The following SYT1 variants were observed in gnomAD, a reference collection of about 807,000 sequenced individuals.
SYT1 encodes synaptotagmin 1.
SYT1 carries 8 observed loss-of-function variants against 44.8 expected under a neutral mutation model. The ratio of observed to expected loss-of-function variants is 0.18; its 90% CI spans 0.10 to 0.32. SYT1 has a LOEUF of 0.32. Ranked by LOEUF, SYT1 falls within the 10% of genes least tolerant of loss-of-function variation. The probability of loss-of-function intolerance (pLI) is 1.00; values close to 1 mark genes in which losing one functional copy is unlikely to be tolerated. For missense variants in SYT1, 286 were observed against 509.3 expected (o/e 0.56, Z 4.22); for synonymous variants, 154 against 188.8 (o/e 0.82, Z 1.51).
intron 9 of SYT1, among the ~76,000 whole-genome samples, chr12:79,419,510 A>G (rs1010452054): frequency 1.3e-5 from 2 of 152,178 alleles, no homozygotes; most frequent in African/African-American, 4.8e-5. Flanking sequence ...TTCTAAGCAT[A>G]GACTTCTCCA....
At chr12:79,117,054 T>C (rs1182625169) in intron 3 of SYT1, among the ~76,000 whole-genome samples, 1 of 152,196 alleles carries the variant, frequency 6.6e-6, no homozygotes, top group Non-Finnish European at 1.5e-5. Flanking sequence ...TAAAGTTAAA[T>C]TCTTGAGTGT....
intron 3 of SYT1, among the ~76,000 whole-genome samples, chr12:79,161,481 A>G (rs56132889): frequency 5.6e-4 from 86 of 152,262 alleles, no homozygotes; most frequent in African/African-American, 2.0e-3. Context: ...AAAATCACCT[A>G]ACAATGCATT....
intron 3 of SYT1, among the ~76,000 whole-genome samples, chr12:79,178,888 T>A (rs12826075): frequency 0.69 from 71,461 of 103,600 alleles, 26,067 homozygotes; most frequent in African/African-American, 0.81. Flanking sequence ...AGCTGGGATT[T>A]CATGCATGCG....
intron 3 of SYT1, among the ~76,000 whole-genome samples, chr12:79,077,154 G>C (rs1876715493): frequency 6.6e-6 from 1 of 152,018 alleles, no homozygotes; most frequent in African/African-American, 2.4e-5. Flanking sequence ...CTTGGATAAA[G>C]CCTTATTCCT....
At chr12:79,262,476 C>T (rs1877886788) in intron 4 of SYT1, among the ~76,000 whole-genome samples, 2 of 152,186 alleles carry the variant, frequency 1.3e-5, no homozygotes, top group Admixed American at 1.3e-4. Context: ...AATTCTGCCC[C>T]TTGTCCAACT....
chr12:78,919,969 C>A (rs986218354), intron 1 of SYT1, among the ~76,000 whole-genome samples: 1 of 151,690 alleles, frequency 6.6e-6, no homozygotes, highest in African/African-American at 2.4e-5. Flanking sequence ...GTATGCATTG[C>A]CAGCCTCAGA....
intron 3 of SYT1, among the ~76,000 whole-genome samples, chr12:79,123,411 A>G (rs997008901): frequency 6.6e-6 from 1 of 151,706 alleles, no homozygotes; most frequent in African/African-American, 2.4e-5. Context: ...ATAGGTAACT[A>G]TGTTAAAAAT....
chr12:78,953,415 T>C (rs1247737493), intron 1 of SYT1, among the ~76,000 whole-genome samples: 1 of 152,128 alleles, frequency 6.6e-6, no homozygotes, highest in East Asian at 1.9e-4. Flanking sequence ...AGTTCACCTT[T>C]TTATTTCCAG....
intron 1 of SYT1, among the ~76,000 whole-genome samples, chr12:78,946,123 A>T (rs1878642521): frequency 6.6e-6 from 1 of 152,216 alleles, no homozygotes. Context: ...ATTCTTAAAT[A>T]AAACTCCTTT....
chr12:78,948,973 A>G (rs1308101324), intron 1 of SYT1, among the ~76,000 whole-genome samples: 1 of 147,328 alleles, frequency 6.8e-6, no homozygotes, highest in Non-Finnish European at 1.5e-5. Flanking sequence ...ATATTATATT[A>G]TATTATATTA....
At chr12:79,200,707 A>C (rs1042343595) in intron 3 of SYT1, among the ~76,000 whole-genome samples, 8 of 152,182 alleles carry the variant, frequency 5.3e-5, no homozygotes, top group African/African-American at 1.9e-4. Flanking sequence ...AGAAGAAGTA[A>C]CTGGGGAAAG....
intron 3 of SYT1, among the ~76,000 whole-genome samples, chr12:79,120,258 A>C (rs1225108787): frequency 6.6e-6 from 1 of 152,164 alleles, no homozygotes; most frequent in Admixed American, 6.5e-5. Flanking sequence ...AATTGATATA[A>C]ACATGGGAAC....
chr12:79,350,160 T>C (rs1304818123), intron 8 of SYT1, among the ~76,000 whole-genome samples: 1 of 152,022 alleles, frequency 6.6e-6, no homozygotes, highest in African/African-American at 2.4e-5. Flanking sequence ...AGAACACACC[T>C]TGTGGGGATG....
chr12:79,299,028 C>G (rs1312580669), intron 7 of SYT1, among the ~76,000 whole-genome samples: 2 of 152,040 alleles, frequency 1.3e-5, no homozygotes, highest in Non-Finnish European at 2.9e-5. Flanking sequence ...ACAACAATAA[C>G]AACAAAATAT....
chr12:79,035,270 G>A (rs946074906), intron 2 of SYT1, among the ~76,000 whole-genome samples: 5 of 151,678 alleles, frequency 3.3e-5, no homozygotes, highest in Admixed American at 2.0e-4. Context: ...CGTGTATAGA[G>A]AATTGCTACC....
Position 79,179,161 on chromosome 12 carries a change from TAGATATAGATATAG to T in SYT1, c.-17-38340_-17-38327del, listed in dbSNP as rs2138392515. 2.8e-5 allele frequency among the ~76,000 whole-genome samples: 2 copies of T among 70,486 alleles called. 1 individual carries two copies. Among genetic ancestry groups the T allele is most frequent in the South Asian group, 1.1e-3 (2 of 1,794 alleles). The allele number at this position is 70,486 out of a possible 152,430, so 46.2% of individuals were successfully genotyped here. A position where few individuals can be genotyped will look rare whatever the true frequency, so the allele number is the denominator to read the frequency against. On this transcript the variant is annotated intron_variant, in intron 3 of 10. Transcript: ENST00000261205. Reference sequence around the variant, plus strand: ...ATATAGATATAGATATATAGATATATAGATATAGATATAGATATATAGATATAGATATAGATATA... The same window carrying T: ...ATATAGATATAGATATATAGATATATATATATAGATATAGATATAGATATA...
chr12:79,206,840 A>G (rs1056480040), intron 3 of SYT1, among the ~76,000 whole-genome samples: 1 of 152,218 alleles, frequency 6.6e-6, no homozygotes, highest in African/African-American at 2.4e-5. Flanking sequence ...CAAGTGGGAT[A>G]CTATGTAGTG....
intron 8 of SYT1, among the ~76,000 whole-genome samples, chr12:79,304,498 T>G (rs1880298789): frequency 6.6e-6 from 1 of 152,204 alleles, no homozygotes; most frequent in Admixed American, 6.5e-5. Flanking sequence ...GTTTTGAAAA[T>G]GATAATAGAT....
chr12:79,386,685 C>T (rs1479763917), intron 9 of SYT1, among the ~76,000 whole-genome samples: 1 of 152,198 alleles, frequency 6.6e-6, no homozygotes, highest in Non-Finnish European at 1.5e-5. Flanking sequence ...CTTTTACACA[C>T]CTATTAGAAC....
Sources: gnomAD v4.1 joint callset for allele counts (sites outside exome capture counted in the v4.1 genomes callset) on GRCh38, gnomAD v4.1.1 for gene constraint, MANE v1.5 for transcripts, NCBI Gene and HGNC (gene_info 2026-07-23, HGNC 2026-07-21) for gene names.